CNTNAP5: variants seen among roughly 807,000 people sequenced by gnomAD.
CNTNAP5 encodes contactin-associated protein-like 5.
A neutral mutation model predicts 150.2 loss-of-function variants in CNTNAP5; 72 were observed. The ratio of observed to expected loss-of-function variants is 0.48; its 90% CI spans 0.40 to 0.58. CNTNAP5 has a LOEUF of 0.58. Ranked by LOEUF, CNTNAP5 falls within the 20% of genes least tolerant of loss-of-function variation. The probability of loss-of-function intolerance (pLI) is 0.00; values close to 1 mark genes in which losing one functional copy is unlikely to be tolerated. For missense variants in CNTNAP5, 1,636 were observed against 1,626.2 expected, an observed-to-expected ratio of 1.01 and a Z score of -0.10; for synonymous variants, 672 against 619.8, an observed-to-expected ratio of 1.08 and a Z score of -1.25.
At chr2:124,524,987 T>C (rs1243887293) in intron 9 of CNTNAP5, among the ~76,000 whole-genome samples, 2 of 152,140 alleles carry the variant, frequency 1.3e-5, no homozygotes, top group Non-Finnish European at 2.9e-5. Context: ...CCCATGAATT[T>C]GTAACTCCAG....
chr2:124,347,118 T>C (rs1244720999), intron 3 of CNTNAP5, among the ~76,000 whole-genome samples: 3 of 151,860 alleles, frequency 2.0e-5, no homozygotes, highest in Non-Finnish European at 4.4e-5. Flanking sequence ...AATCCAGTAC[T>C]GTAAGATAAT....
chr2:124,030,141 C>T (rs901260329), intron 1 of CNTNAP5, among the ~76,000 whole-genome samples: 11 of 152,098 alleles, frequency 7.2e-5, no homozygotes, highest in African/African-American at 2.7e-4. Context: ...TATTAACATC[C>T]TATTTACTTT....
intron 19 of CNTNAP5, among the ~76,000 whole-genome samples, chr2:124,861,798 TTTTA>T (rs936160466): frequency 4.6e-5 from 7 of 152,180 alleles, no homozygotes; most frequent in African/African-American, 7.2e-5. Flanking sequence ...TTAGTTTTAT[TTTTA>T]TTTATTTTAT....
chr2:124,147,660 G>T (rs1230620692), intron 1 of CNTNAP5, among the ~76,000 whole-genome samples: 1 of 152,200 alleles, frequency 6.6e-6, no homozygotes, highest in East Asian at 1.9e-4. Flanking sequence ...TCTGGAGTGG[G>T]TTTGAAACAG....
chr2:124,873,894 G>A lies in CNTNAP5; in HGVS notation c.3436+4132G>A, dbSNP rs1677801044. ...TCAGTACCATCAATAGCATTTCATT[G>A]CAAAGCAAAAGCAAGTTTGTTCATT... is the stretch of plus-strand genomic sequence containing the variant. On this transcript the variant is annotated intron_variant, in intron 21 of 23. Coordinates refer to ENST00000682447, the MANE Select transcript of CNTNAP5 (RefSeq NM_001367498.1). Among the ~76,000 whole-genome samples, 6 of 151,994 alleles carry A rather than the reference G, an allele frequency of 3.9e-5. No homozygotes were observed. In the South Asian group the frequency reaches 1.2e-3, roughly 31 times the overall value.
intron 13 of CNTNAP5, among the ~76,000 whole-genome samples, chr2:124,708,275 G>A (rs1037809730): frequency 1.3e-4 from 20 of 152,166 alleles, no homozygotes; most frequent in Non-Finnish European, 2.4e-4. Flanking sequence ...CTGGATGCTA[G>A]CAAAAGTGGG....
At chr2:124,547,491 A>T (rs1011471709) in intron 10 of CNTNAP5, among the ~76,000 whole-genome samples, 3 of 152,200 alleles carry the variant, frequency 2.0e-5, no homozygotes, top group Non-Finnish European at 4.4e-5. Context: ...GAGCCAGTAA[A>T]GGCAGGGGAC....
At chr2:124,605,637 AAACC>A (rs1697086824) in intron 11 of CNTNAP5, among the ~76,000 whole-genome samples, 1 of 151,844 alleles carries the variant, frequency 6.6e-6, no homozygotes, top group South Asian at 2.1e-4. Flanking sequence ...TAACATGGTG[AAACC>A]CTGTCTCTAC....
At chr2:124,608,845 C>T (rs921953125) in intron 11 of CNTNAP5, among the ~76,000 whole-genome samples, 5 of 151,136 alleles carry the variant, frequency 3.3e-5, no homozygotes, top group South Asian at 4.2e-4. Context: ...CTCAGGAGTC[C>T]GAGGCAGGAG....
intron 16 of CNTNAP5, among the ~76,000 whole-genome samples, chr2:124,766,754 A>C (rs1020893595): frequency 6.6e-6 from 1 of 152,212 alleles, no homozygotes; most frequent in Non-Finnish European, 1.5e-5. Context: ...GCAAACGTAT[A>C]TTATTACAAA....
At chr2:124,359,149 T>G (rs1189401186) in intron 3 of CNTNAP5, among the ~76,000 whole-genome samples, 2 of 152,206 alleles carry the variant, frequency 1.3e-5, no homozygotes, top group Non-Finnish European at 2.9e-5. Context: ...TCGGCGGTGA[T>G]ATCCCCTTTA....
intron 2 of CNTNAP5, among the ~76,000 whole-genome samples, chr2:124,239,546 A>G (rs956290126): frequency 6.6e-6 from 1 of 152,204 alleles, no homozygotes; most frequent in African/African-American, 2.4e-5. Flanking sequence ...AGCTTATAAA[A>G]GAAGAAAATG....
At chr2:124,048,556 C>A (rs1029856130) in intron 1 of CNTNAP5, among the ~76,000 whole-genome samples, 1 of 152,134 alleles carries the variant, frequency 6.6e-6, no homozygotes, top group African/African-American at 2.4e-5. Context: ...GCTCTCTATA[C>A]ACTTTCTTAA....
intron 10 of CNTNAP5, among the ~76,000 whole-genome samples, chr2:124,552,703 A>G (rs2104918828): frequency 6.6e-6 from 1 of 152,364 alleles, no homozygotes; most frequent in East Asian, 1.9e-4. Flanking sequence ...ACATGCATAT[A>G]TACAAACTAA....
intron 21 of CNTNAP5, among the ~76,000 whole-genome samples, chr2:124,902,189 A>G (rs1678427347): frequency 6.6e-6 from 1 of 152,184 alleles, no homozygotes; most frequent in Non-Finnish European, 1.5e-5. Flanking sequence ...GAAGAAAACA[A>G]GACATTTGAT....
intron 20 of CNTNAP5, among the ~76,000 whole-genome samples, chr2:124,868,552 T>C (rs1163030212): frequency 6.6e-6 from 1 of 152,214 alleles, no homozygotes; most frequent in East Asian, 1.9e-4. Context: ...CCTATTTCCT[T>C]GACGTCAACC....
intron 3 of CNTNAP5, among the ~76,000 whole-genome samples, chr2:124,416,015 GGA>G (rs1691908714): frequency 6.6e-6 from 1 of 152,026 alleles, no homozygotes. Context: ...AAGATCATCT[GGA>G]TTCTAGGTGT....
At chr2:124,166,470 A>G (rs1919847) in intron 1 of CNTNAP5, among the ~76,000 whole-genome samples, 147,472 of 152,256 alleles carry the variant, frequency 0.97, 71,598 homozygotes, top group East Asian at 1. Context: ...GCCTTGATTA[A>G]GTCTCTAACT....
chr2:124,756,924 A>C (rs146097840), intron 14 of CNTNAP5, among the ~76,000 whole-genome samples: 1 of 152,322 alleles, frequency 6.6e-6, no homozygotes, highest in Non-Finnish European at 1.5e-5. Flanking sequence ...CCCTGAAATT[A>C]AAAGTTGGAA....
Sources: gnomAD v4.1 joint callset for allele counts (sites outside exome capture counted in the v4.1 genomes callset) on GRCh38, gnomAD v4.1.1 for gene constraint, MANE v1.5 for transcripts, NCBI Gene and HGNC (gene_info 2026-07-23, HGNC 2026-07-21) for gene names.